The following TEKT5 variants were observed in gnomAD, a reference collection of about 807,000 sequenced individuals.
The protein encoded by TEKT5 is tektin 5.
TEKT5 carries 52 observed loss-of-function variants against 48.7 expected under a neutral mutation model. The ratio of observed to expected loss-of-function variants is 1.07; its 90% CI spans 0.86 to 1.35. The LOEUF is 1.35. Among genes scored for constraint, TEKT5 ranks in the 40% most tolerant of loss-of-function variants. TEKT5 has a pLI of 0.00. For synonymous variants in TEKT5, 318 were observed against 267.6 expected (o/e 1.19, Z -1.84); for missense variants, 831 against 641.6 (o/e 1.30, Z -3.19).
At chr16:10,689,524 T>A (rs1898928574) in intron 2 of TEKT5, among the ~76,000 whole-genome samples, 1 of 64,770 alleles carries the variant, frequency 1.5e-5, no homozygotes, top group South Asian at 7.1e-4. Context: ...GCTCCACCTT[T>A]TTTTTTTTTT....
chr16:10,694,309 C>T lies in TEKT5; in HGVS notation c.564+1G>A. On this transcript the variant is annotated splice_donor_variant, in intron 1 of 6. Transcript: ENST00000283025. LOFTEE classifies it high-confidence loss of function. Reference sequence around the variant, plus strand: ...AGCCCTGTCCCCACCCCTGTACTCACCTGCAATGGGCAGTTCACCTCATTG... The same window carrying T: ...AGCCCTGTCCCCACCCCTGTACTCATCTGCAATGGGCAGTTCACCTCATTG... 6.3e-7 allele frequency: 1 copy of T among 1,587,272 alleles called. No individual in the cohort carries two copies. Among genetic ancestry groups the T allele is most frequent in the Non-Finnish European group, 8.6e-7 (1 of 1,166,208 alleles).
intron 5 of TEKT5, among the ~76,000 whole-genome samples, chr16:10,640,052 C>T (rs571612811): frequency 7.9e-6 from 1 of 127,042 alleles, no homozygotes; most frequent in East Asian, 2.6e-4. Flanking sequence ...TCTCTTCCTC[C>T]TCCTCCTCCT....
At chr16:10,639,179 C>T (rs933928372) in intron 5 of TEKT5, among the ~76,000 whole-genome samples, 2 of 152,050 alleles carry the variant, frequency 1.3e-5, no homozygotes, top group African/African-American at 4.8e-5. Context: ...TGGTGGTGCA[C>T]GTTTGTAGTC....
At chr16:10,692,310 T>C (rs754886318) in intron 1 of TEKT5, among the ~76,000 whole-genome samples, 28 of 152,138 alleles carry the variant, frequency 1.8e-4, no homozygotes, top group Non-Finnish European at 3.7e-4. Context: ...TGGGGTTGTA[T>C]AGAATCTGCT....
chr16:10,656,848 C>A (rs1173312664), intron 5 of TEKT5, among the ~76,000 whole-genome samples: 2 of 152,028 alleles, frequency 1.3e-5, no homozygotes, highest in Non-Finnish European at 2.9e-5. Flanking sequence ...TCAAGTGACC[C>A]TCCCACCTCC....
chr16:10,691,149 G>C (rs1037782457), intron 1 of TEKT5: 10 of 144,520 alleles, frequency 6.9e-5, no homozygotes, highest in African/African-American at 2.6e-4. Context: ...GGGCAGCATA[G>C]TGAGACCCCA....
At chr16:10,631,178 C>A (rs1344160774) in intron 6 of TEKT5, among the ~76,000 whole-genome samples, 1 of 149,248 alleles carries the variant, frequency 6.7e-6, no homozygotes, top group Non-Finnish European at 1.5e-5. Flanking sequence ...ATTGCTTGAA[C>A]CCGGGAGGCA....
intron 5 of TEKT5, among the ~76,000 whole-genome samples, chr16:10,647,895 A>G (rs1898095752): frequency 6.6e-6 from 1 of 152,238 alleles, no homozygotes; most frequent in Non-Finnish European, 1.5e-5. Flanking sequence ...AGTAACCACA[A>G]CAGCTGGAAA....
At chr16:10,645,795 T>C (rs928796900) in intron 5 of TEKT5, among the ~76,000 whole-genome samples, 6 of 151,718 alleles carry the variant, frequency 4.0e-5, no homozygotes, top group Non-Finnish European at 7.4e-5. Context: ...GCAACAAGAG[T>C]GAAACTCTGT....
chr16:10,640,394 A>C (rs1233943687), intron 5 of TEKT5, among the ~76,000 whole-genome samples: 1 of 152,208 alleles, frequency 6.6e-6, no homozygotes, highest in Non-Finnish European at 1.5e-5. Context: ...GAATACAGGC[A>C]TGTGAGCCGC....
chr16:10,668,898 T>C (rs545426544), intron 5 of TEKT5, among the ~76,000 whole-genome samples: 1 of 151,618 alleles, frequency 6.6e-6, no homozygotes, highest in South Asian at 2.1e-4. Context: ...TAATAGGGAG[T>C]GGTGGGGTCT....
rs749722989 is a variant in TEKT5, at chr16:10,694,661, G to C, written c.213C>G (p.Thr71=). The C allele has an allele frequency of 9.3e-6, 15 of 1,613,318 alleles. No homozygotes were observed. The highest frequency in any genetic ancestry group is 1.3e-5 in the Non-Finnish European group (15 of 1,179,592). The part of the protein sequence containing the change: ...VQTCPDESTS[T]LRPPTILPTL... ...TGGGCAGGATGGTGGGCGGCCGCAG[G>C]GTACTGGTGCTCTCGTCCGGGCAGG... is the stretch of plus-strand genomic sequence containing the variant. Residue 71 remains threonine, a synonymous_variant, in exon 1 of 7, where the codon ACC becomes ACG. Coordinates refer to ENST00000283025, the MANE Select transcript of TEKT5 (RefSeq NM_144674.2).
intron 5 of TEKT5, among the ~76,000 whole-genome samples, chr16:10,671,442 T>C (rs924793876): frequency 6.6e-6 from 1 of 152,244 alleles, no homozygotes; most frequent in East Asian, 1.9e-4. Context: ...GACAATGGAA[T>C]ATTACTCTGA....
At chr16:10,672,421 G>T (rs34383068) in intron 5 of TEKT5, among the ~76,000 whole-genome samples, 1 of 151,936 alleles carries the variant, frequency 6.6e-6, no homozygotes, top group South Asian at 2.1e-4. Flanking sequence ...GCAAAACGCC[G>T]TCTCTACAAA....
At chr16:10,631,149 G>A (rs1199106944) in intron 6 of TEKT5, among the ~76,000 whole-genome samples, 3 of 150,794 alleles carry the variant, frequency 2.0e-5, no homozygotes, top group Non-Finnish European at 4.4e-5. Context: ...CCAGATACTC[G>A]GGAGGCTGAG....
At chr16:10,630,687 T>C (rs1897826312) in intron 6 of TEKT5, among the ~76,000 whole-genome samples, 1 of 152,218 alleles carries the variant, frequency 6.6e-6, no homozygotes, top group African/African-American at 2.4e-5. Flanking sequence ...AATGTGGCCA[T>C]GCAATTGAGA....
intron 5 of TEKT5, among the ~76,000 whole-genome samples, chr16:10,643,114 C>T (rs1898018531): frequency 6.6e-6 from 1 of 152,158 alleles, no homozygotes; most frequent in African/African-American, 2.4e-5. Context: ...GGCATGGTGG[C>T]TCATGCCTGT....
chr16:10,643,374 G>A (rs12595962), intron 5 of TEKT5, among the ~76,000 whole-genome samples: 26,543 of 150,798 alleles, frequency 0.18, 2,613 homozygotes, highest in East Asian at 0.27. Context: ...GCGAGACTCC[G>A]TCTCTTAAAA....
chr16:10,682,170 C>A (rs765718506), intron 3 of TEKT5, 34 bp from the exon 4 acceptor site: 4 of 1,606,630 alleles, frequency 2.5e-6, no homozygotes, highest in African/African-American at 1.3e-5. Flanking sequence ...CTGGACTATG[C>A]ACCTGCACAG....
Sources: gnomAD v4.1 joint callset for allele counts (sites outside exome capture counted in the v4.1 genomes callset) on GRCh38, gnomAD v4.1.1 for gene constraint, MANE v1.5 for transcripts, NCBI Gene and HGNC (gene_info 2026-07-23, HGNC 2026-07-21) for gene names.